SNPH: variants seen among roughly 807,000 people sequenced by gnomAD.
SNPH encodes syntaphilin.
A neutral mutation model predicts 36.8 loss-of-function variants in SNPH; 10 were observed. The ratio of observed to expected loss-of-function variants is 0.27; its 90% CI spans 0.17 to 0.46. SNPH has a LOEUF of 0.46. Among genes scored for constraint, SNPH ranks in the 20% least tolerant of loss-of-function variants. SNPH has a pLI of 1.00. For synonymous variants in SNPH, 281 were observed against 312.2 expected, an observed-to-expected ratio of 0.90 and a Z score of 1.05; for missense variants, 622 against 744.0, an observed-to-expected ratio of 0.84 and a Z score of 1.91.
chr20:1,306,116 C>G lies in SNPH; in HGVS notation c.*62C>G. 7.9e-7 allele frequency: 1 copy of G among 1,270,592 alleles called. No individual in the cohort carries two copies. The highest frequency in any genetic ancestry group is 1.7e-5 in the South Asian group (1 of 58,322). The allele number at this position is 1,270,592 out of a possible 1,614,324, so 78.7% of individuals were successfully genotyped here. A position where few individuals can be genotyped will look rare whatever the true frequency, so the allele number is the denominator to read the frequency against. On this transcript the variant is annotated 3_prime_UTR_variant, in exon 7 of 7. Coordinates refer to ENST00000381867, the MANE Select transcript of SNPH (RefSeq NM_001318234.2). ...CACTGATTGTAGGGATGCCGTTCCC[C>G]CCTCCCTTCTCCCATGGGCATCATC... is the stretch of plus-strand genomic sequence containing the variant.
Position 1,266,968 on chromosome 20 carries a change from G to A in SNPH, c.-493+208G>A, listed in dbSNP as rs990272065. 6.6e-6 allele frequency among the ~76,000 whole-genome samples: 1 copy of A among 152,174 alleles called. No individual in the cohort carries two copies. The highest frequency in any genetic ancestry group is 2.4e-5 in the African/African-American group (1 of 41,442). ...CCCTCCCTGAAATGTAAGAATTAGA[G>A]GGTGCTGATTGCAGCAGAGAAGATG... is the stretch of plus-strand genomic sequence containing the variant. On this transcript the variant is annotated intron_variant, in intron 2 of 6. Transcript: ENST00000381867. This position sits in a 1 kb window ranked among gnomAD's most constrained non-coding sequence, Gnocchi z 6.0.
Position 1,266,781 on chromosome 20 carries a change from C to G in SNPH, c.-493+21C>G. On this transcript the variant is annotated intron_variant, in intron 2 of 6. Coordinates refer to ENST00000381867, the MANE Select transcript of SNPH (RefSeq NM_001318234.2). This position sits in a 1 kb window ranked among gnomAD's most constrained non-coding sequence, Gnocchi z 6.0. Reference sequence around the variant, plus strand: ...CTCAGGTGAGGAGGCCGCGGCGGAGCGGGGAGCTGGCCCTGCGCTGCACCG... The same window carrying G: ...CTCAGGTGAGGAGGCCGCGGCGGAGGGGGGAGCTGGCCCTGCGCTGCACCG... 2 of 1,340,858 alleles carry G rather than the reference C, an allele frequency of 1.5e-6. No individual in the cohort carries two copies. Among genetic ancestry groups the G allele is most frequent in the African/African-American group, 3.1e-5 (2 of 64,922 alleles). The allele number at this position is 1,340,858 out of a possible 1,614,324, so 83.1% of individuals were successfully genotyped here.
At chr20:1,279,849 G>A (rs554477765) in intron 2 of SNPH, among the ~76,000 whole-genome samples, 1 of 152,138 alleles carries the variant, frequency 6.6e-6, no homozygotes. Flanking sequence ...TTTTATTCCT[G>A]TGACCCTGGG....
chr20:1,268,165 C>T (rs1021618466), intron 2 of SNPH, among the ~76,000 whole-genome samples: 6 of 152,240 alleles, frequency 3.9e-5, no homozygotes, highest in Admixed American at 6.5e-5. Context: ...AGGCAGGCAG[C>T]AACATTTCCA....
chr20:1,297,003 C>T (rs1465023005), intron 4 of SNPH, 142 bp from the exon 5 acceptor site: 25 of 1,392,888 alleles, frequency 1.8e-5, no homozygotes, highest in Admixed American at 5.8e-5. Context: ...CCTGTCTGTG[C>T]GTCTCTCTCT....
rs775603255 is a variant in SNPH, at chr20:1,305,429, T to C, written c.992T>C (p.Phe331Ser). ...AGCTCCTTCGGCCTGGGCCCCCGCTTCCCTGCCAGCAACACCTATGAGAAG... is the reference window on the plus strand; with the variant it reads ...AGCTCCTTCGGCCTGGGCCCCCGCTCCCCTGCCAGCAACACCTATGAGAAG... ...LHSSFGLGPR[F>S]PASNTYEKLL... Residue 331 changes from phenylalanine (F) to serine (S), a missense_variant, in exon 7 of 7, where the codon TTC becomes TCC. By Grantham distance (155) the Phe-to-Ser change is radical (BLOSUM62 -2). Transcript: ENST00000381867. The C allele has an allele frequency of 1.2e-6, 2 of 1,613,170 alleles. No homozygotes were observed. The highest frequency in any genetic ancestry group is 1.7e-6 in the Non-Finnish European group (2 of 1,180,024).
At chr20:1,288,476 G>A (rs1555563) in intron 2 of SNPH, among the ~76,000 whole-genome samples, 108,250 of 151,996 alleles carry the variant, frequency 0.71, 39,113 homozygotes, top group Non-Finnish European at 0.79. Context: ...CAGCTGGGCT[G>A]CTGGGTGGGA....
In SNPH at chr20:1,307,511, C is replaced by G. The variant is rs2088595502; in HGVS notation, c.*1457C>G. ...GGTTGTCCCACCCACTCTTCAGAGGCTAGGCCCCACCTCTGGGGGTTGGAG... is the reference window on the plus strand; with the variant it reads ...GGTTGTCCCACCCACTCTTCAGAGGGTAGGCCCCACCTCTGGGGGTTGGAG... On this transcript the variant is annotated 3_prime_UTR_variant, in exon 7 of 7. Coordinates refer to ENST00000381867, the MANE Select transcript of SNPH (RefSeq NM_001318234.2). 6.6e-6 allele frequency: 1 copy of G among 152,378 alleles called. No individual in the cohort carries two copies. The highest frequency in any genetic ancestry group is 6.5e-5 in the Admixed American group (1 of 15,290). 9.4% of individuals were successfully genotyped at this position (152,378 alleles called of 1,614,324 possible).
intron 4 of SNPH, 109 bp downstream of exon 4, chr20:1,296,530 C>A: frequency 1.1e-6 from 1 of 919,336 alleles, no homozygotes; most frequent in Non-Finnish European, 1.7e-6. Context: ...CAAATCATTT[C>A]CCATTCCCAT....
chr20:1,281,048 CT>C (rs960258393), intron 2 of SNPH, among the ~76,000 whole-genome samples: 16 of 152,152 alleles, frequency 1.1e-4, no homozygotes, highest in African/African-American at 3.9e-4. Flanking sequence ...ATTGCCACCC[CT>C]GAATAAGGTT....
At chr20:1,279,169 A>G (rs1457270791) in intron 2 of SNPH, among the ~76,000 whole-genome samples, 1 of 152,238 alleles carries the variant, frequency 6.6e-6, no homozygotes, top group African/African-American at 2.4e-5. Flanking sequence ...GTACCATTTG[A>G]CATTTCTACT....
chr20:1,299,720 G>A (rs935421060), intron 5 of SNPH, among the ~76,000 whole-genome samples: 14 of 152,328 alleles, frequency 9.2e-5, no homozygotes, highest in African/African-American at 2.2e-4. Context: ...ATGTGCCCCC[G>A]GAGGTGAAAG....
rs997809550 is a variant in SNPH at position 1,308,134 on chromosome 20, A to G, written c.*2080A>G. The G allele has an allele frequency of 6.6e-6, 1 of 152,286 alleles. No homozygotes were observed. The allele number at this position is 152,286 out of a possible 1,614,324, so 9.4% of individuals were successfully genotyped here. A position where few individuals can be genotyped will look rare whatever the true frequency, so the allele number is the denominator to read the frequency against. ...TGTGTCTTGCGTCTGTGGCCTTCCT[A>G]TTGTGTCTTGTGTTTTGGTGGATGT... On this transcript the variant is annotated 3_prime_UTR_variant, in exon 7 of 7. Transcript: ENST00000381867.
chr20:1,284,079 C>T (rs2122316182), intron 2 of SNPH, among the ~76,000 whole-genome samples: 1 of 152,332 alleles, frequency 6.6e-6, no homozygotes, highest in Middle Eastern at 3.4e-3. Context: ...TGAGGGCACA[C>T]AGCTCCCAGC....
At position 1,297,224 on chromosome 20, in the gene SNPH, A is replaced by C. The variant is rs2088449542; in HGVS notation, c.262A>C (p.Lys88Gln). Residue 88 changes from lysine (K) to glutamine (Q), a missense_variant, in exon 5 of 7, where the codon AAG (lysine) becomes CAG (glutamine). By Grantham distance (53) the Lys-to-Gln change is moderately conservative. Around this residue, in one of 3 missense-constraint regions of SNPH, gnomAD observed 187 missense variants for 209.4 expected, o/e 0.89. Coordinates refer to ENST00000381867, the MANE Select transcript of SNPH (RefSeq NM_001318234.2). ...LSSSSNSGSY[K>Q]GSDSSPTPRR... is the part of the protein sequence containing the mutation. ...CAGCAGCAGCAATTCTGGCTCCTAC[A>C]AGGGCAGTGACAGCAGTCCCACGCC... 3.1e-6 allele frequency: 5 copies of C among 1,613,640 alleles called. No individual in the cohort carries two copies. The highest frequency in any genetic ancestry group is 4.2e-6 in the Non-Finnish European group (5 of 1,179,886).
chr20:1,293,988 A>T (rs2088395997), intron 2 of SNPH, among the ~76,000 whole-genome samples: 1 of 152,114 alleles, frequency 6.6e-6, no homozygotes, highest in African/African-American at 2.4e-5. Context: ...ACTCACTCAC[A>T]CTGGCTTGGA....
intron 2 of SNPH, among the ~76,000 whole-genome samples, chr20:1,293,871 C>T (rs1307826423): frequency 2.0e-5 from 3 of 152,132 alleles, no homozygotes; most frequent in African/African-American, 7.2e-5. Context: ...GGGACAAGGC[C>T]CTCATTGTAG....
rs2088544971 is a variant in SNPH at position 1,304,743 on chromosome 20, T to C, written c.441-135T>C. ...TAATAAGAAGGCATTGAGTTTGTCC[T>C]TCTGTTTTGGGTTCTGAGCCACAGC... On this transcript the variant is annotated intron_variant, in intron 6 of 6. Coordinates refer to ENST00000381867, the MANE Select transcript of SNPH (RefSeq NM_001318234.2). The surrounding 1 kb of genome is among the most constrained non-coding windows in gnomAD (Gnocchi z 4.3). The C allele has an allele frequency of 1.3e-6, 1 of 751,832 alleles. No individual in the cohort carries two copies. Among genetic ancestry groups the C allele is most frequent in the Non-Finnish European group, 2.2e-6 (1 of 461,328 alleles). 46.6% of individuals were successfully genotyped at this position (751,832 alleles called of 1,614,324 possible).
At chr20:1,277,521 G>A in intron 2 of SNPH, among the ~76,000 whole-genome samples, 1 of 148,522 alleles carries the variant, frequency 6.7e-6, no homozygotes. Context: ...GTGTGCCTGT[G>A]TGTCTGTCTG....
Sources: allele counts gnomAD v4.1 joint callset (sites outside exome capture counted in the v4.1 genomes callset), GRCh38; gene constraint gnomAD v4.1.1; regional missense constraint gnomAD v4.1.1; non-coding constraint Gnocchi (gnomAD v3.1); transcripts MANE v1.5; gene names NCBI Gene and HGNC (gene_info 2026-07-23, HGNC 2026-07-21).